Variants in GCC2 observed in about 807,000 individuals in gnomAD.
GCC2 encodes GRIP and coiled-coil domain-containing protein 2.
GCC2 carries 120 observed loss-of-function variants against 210.6 expected under a neutral mutation model. The observed-to-expected ratio is 0.57, with a 90% CI of 0.49 to 0.66. GCC2 has a LOEUF of 0.66. Among genes scored for constraint, GCC2 ranks in the 30% least tolerant of loss-of-function variants. The pLI is 0.00. For synonymous variants in GCC2, 703 were observed against 652.7 expected (o/e 1.08, Z -1.17); for missense variants, 1,868 against 1,871.9 (o/e 1.00, Z 0.04).
At chr2:108,472,407 A>T (rs1446578044) in intron 6 of GCC2, among the ~76,000 whole-genome samples, 1 of 152,102 alleles carries the variant, frequency 6.6e-6, no homozygotes, top group African/African-American at 2.4e-5. Flanking sequence ...AAACAACTAA[A>T]CATGGAAAAA....
At chr2:108,469,515 A>G (rs1334395697) in intron 5 of GCC2, 136 bp from the exon 6 acceptor site, 1 of 601,912 alleles carries the variant, frequency 1.7e-6, no homozygotes, top group Non-Finnish European at 2.9e-6. Flanking sequence ...TTGGAATATC[A>G]GTATCATGTT....
intron 16 of GCC2, among the ~76,000 whole-genome samples, 175 bp downstream of exon 16, chr2:108,486,823 G>A (rs985666931): frequency 6.6e-6 from 1 of 152,024 alleles, no homozygotes; most frequent in East Asian, 1.9e-4. Flanking sequence ...AACCCTAATC[G>A]TAAGTTGGAT....
chr2:108,506,922 T>C (rs1683220613), intron 22 of GCC2, among the ~76,000 whole-genome samples: 1 of 152,164 alleles, frequency 6.6e-6, no homozygotes, highest in African/African-American at 2.4e-5. Context: ...AATAATCATT[T>C]CTGCATGATT....
At chr2:108,466,268 C>T (rs1680876431) in intron 4 of GCC2, among the ~76,000 whole-genome samples, 1 of 152,068 alleles carries the variant, frequency 6.6e-6, no homozygotes, top group African/African-American at 2.4e-5. Flanking sequence ...GTCTTGATCT[C>T]CTGACCTCAT....
intron 22 of GCC2, among the ~76,000 whole-genome samples, chr2:108,504,736 ACTC>A (rs1330164244): frequency 6.6e-6 from 1 of 152,142 alleles, no homozygotes; most frequent in Non-Finnish European, 1.5e-5. Flanking sequence ...CAATTTTACT[ACTC>A]AAGCAGGAAG....
rs552399714 is a variant in GCC2 at position 108,450,529 on chromosome 2, G to A, written c.64-499G>A. On this transcript the variant is annotated intron_variant, in intron 2 of 22. Transcript: ENST00000309863. ...CTGGTTTTTACGTTTCATAGTAGTTGCATAACTAATTTTTAGTAGTTGCAT... is the reference window on the plus strand; with the variant it reads ...CTGGTTTTTACGTTTCATAGTAGTTACATAACTAATTTTTAGTAGTTGCAT... Among the ~76,000 whole-genome samples, 5 of 152,312 alleles carry A rather than the reference G, an allele frequency of 3.3e-5. 1 individual carries two copies. The highest frequency in any genetic ancestry group is 1.2e-4 in the African/African-American group (5 of 41,578).
At chr2:108,488,377 GAGA>G (rs1368099971) in intron 17 of GCC2, among the ~76,000 whole-genome samples, 6 of 152,174 alleles carry the variant, frequency 3.9e-5, no homozygotes, top group Non-Finnish European at 7.4e-5. Flanking sequence ...GCCAGGATAT[GAGA>G]TAATAGGCTA....
intron 7 of GCC2, chr2:108,473,231 T>C (rs773156748): frequency 3.7e-4 from 77 of 209,876 alleles, no homozygotes; most frequent in Non-Finnish European, 6.2e-4. Context: ...GTACAGACCA[T>C]GTGCTCAGAG....
chr2:108,469,207 C>A, intron 5 of GCC2, 123 bp downstream of exon 5: 2 of 467,430 alleles, frequency 4.3e-6, no homozygotes, highest in Non-Finnish European at 3.7e-6. Flanking sequence ...ACAAAGAAAC[C>A]GAGATTGAGA....
intron 10 of GCC2, 48 bp from the exon 11 acceptor site, chr2:108,482,239 G>T: frequency 9.2e-7 from 1 of 1,090,966 alleles, no homozygotes; most frequent in Non-Finnish European, 1.4e-6. Context: ...TTCCTCTGCT[G>T]TATATGTTTT....
At chr2:108,502,390 A>G (rs1170085423) in intron 22 of GCC2, among the ~76,000 whole-genome samples, 2 of 152,200 alleles carry the variant, frequency 1.3e-5, no homozygotes, top group Non-Finnish European at 2.9e-5. Context: ...AACCTAAGGG[A>G]TACCAAGAAC....
Position 108,475,622 on chromosome 2 carries a change from C to T in GCC2, c.2948C>T (p.Ser983Phe), listed in dbSNP as rs770097002. 9 of 1,539,600 alleles carry T rather than the reference C, an allele frequency of 5.8e-6. No individual in the cohort carries two copies. The highest frequency in any genetic ancestry group is 1.7e-4 in the Middle Eastern group (1 of 5,766). Residue 983 changes from serine to phenylalanine, a missense_variant, in exon 8 of 23, where the codon TCC becomes TTC. Around this residue, in one of 3 missense-constraint regions of GCC2, gnomAD observed 1,847 missense variants for 1,765.2 expected, o/e 1.05. Coordinates refer to ENST00000309863, the MANE Select transcript of GCC2 (RefSeq NM_181453.4). ...GTAAAGGCAAAGAAAGAACTAGATT[C>T]CAGCAGAAAAGAGGTGAGCTGACTT... ...VAVKAKKELD[S>F]SRKETQTVKE... is the part of the protein sequence containing the mutation.
At position 108,484,284 on chromosome 2, in the gene GCC2, A is replaced by T; in HGVS notation, c.3586A>T (p.Lys1196Ter). 6.5e-7 allele frequency: 1 copy of T among 1,537,246 alleles called. No individual in the cohort carries two copies. The highest frequency in any genetic ancestry group is 2.3e-5 in the East Asian group (1 of 44,024). Residue 1196 changes from lysine (K) to a stop codon, truncating the protein, a stop_gained, in exon 13 of 23, where the codon AAA becomes TAA. Transcript: ENST00000309863. LOFTEE classifies it high-confidence loss of function. ...LEQEIKIQKQ[K>*]QETLQEEITS... Reference sequence around the variant, plus strand: ...GCAAGAAATAAAAATTCAAAAACAGAAACAAGAAACCCTACAAGAAGAAAT... The same window carrying T: ...GCAAGAAATAAAAATTCAAAAACAGTAACAAGAAACCCTACAAGAAGAAAT...
intron 4 of GCC2, among the ~76,000 whole-genome samples, chr2:108,460,479 G>C (rs1680513154): frequency 6.6e-6 from 1 of 152,018 alleles, no homozygotes; most frequent in African/African-American, 2.4e-5. Flanking sequence ...TTTTATGGTA[G>C]TACCATTTGA....
intron 9 of GCC2, among the ~76,000 whole-genome samples, chr2:108,481,166 A>C (rs1681832083): frequency 1.3e-5 from 2 of 152,218 alleles, no homozygotes; most frequent in South Asian, 4.1e-4. Context: ...AAGAAAATTC[A>C]GTTGTCTTTG....
In GCC2 at chr2:108,469,778, C is replaced by T; in HGVS notation, c.449C>T (p.Ala150Val). ...AVRSKYSEDK[A>V]NLQKQLEEAM... ...CGTTCCAAATACAGTGAAGACAAAG[C>T]TAACTTACAAAAGCAGCTGGAAGAA... Residue 150 changes from alanine (A) to valine (V), a missense_variant, in exon 6 of 23, where the codon GCT becomes GTT. Coordinates refer to ENST00000309863, the MANE Select transcript of GCC2 (RefSeq NM_181453.4). The T allele has an allele frequency of 6.2e-7, 1 of 1,613,778 alleles. No homozygotes were observed. The highest frequency in any genetic ancestry group is 1.3e-5 in the African/African-American group (1 of 75,014).
At chr2:108,454,041 A>C (rs1301018063) in intron 4 of GCC2, among the ~76,000 whole-genome samples, 1 of 151,928 alleles carries the variant, frequency 6.6e-6, no homozygotes, top group Non-Finnish European at 1.5e-5. Context: ...CCCAGGCTGG[A>C]GTGCAGTGGC....
At chr2:108,450,401 C>T (rs1243301234) in intron 2 of GCC2, among the ~76,000 whole-genome samples, 2 of 152,168 alleles carry the variant, frequency 1.3e-5, no homozygotes, top group Non-Finnish European at 2.9e-5. Context: ...AATTTTACAG[C>T]TCCAAGGAAT....
Position 108,470,972 on chromosome 2 carries a change from T to G in GCC2, c.1643T>G (p.Leu548Arg). 1 of 1,613,210 alleles carries G rather than the reference T, an allele frequency of 6.2e-7. No homozygotes were observed. Among genetic ancestry groups the G allele is most frequent in the Admixed American group, 1.7e-5 (1 of 60,016 alleles). ...CTCCAGGGAGAAAATGAAAAGTTAC[T>G]ATCTCAACAAGAATTGGTACCAGAA... ...NRLQGENEKL[L>R]SQQELVPELE... Residue 548 changes from leucine (L) to arginine (R), a missense_variant, in exon 6 of 23, where the codon CTA (leucine) becomes CGA (arginine). This residue lies in a region of GCC2 where 1,847 missense variants were observed against 1,765.2 expected (regional missense o/e 1.05). Coordinates refer to ENST00000309863, the MANE Select transcript of GCC2 (RefSeq NM_181453.4).
Sources: allele counts gnomAD v4.1 joint callset (sites outside exome capture counted in the v4.1 genomes callset), GRCh38; gene constraint gnomAD v4.1.1; regional missense constraint gnomAD v4.1.1; transcripts MANE v1.5; gene names NCBI Gene and HGNC (gene_info 2026-07-23, HGNC 2026-07-21).